Variants in CASZ1 observed in about 807,000 individuals in gnomAD.
CASZ1 encodes the protein castor zinc finger 1.
CASZ1 carries 28 observed loss-of-function variants against 135.2 expected under a neutral mutation model. That is an observed-to-expected ratio of 0.21 (90% CI 0.15 to 0.28). The LOEUF (loss-of-function observed/expected upper bound fraction) is 0.28, where lower values mean the gene tolerates loss of function less well. CASZ1 is among the 10% of genes least tolerant of loss of function. The probability of loss-of-function intolerance (pLI) is 1.00; values close to 1 mark genes in which losing one functional copy is unlikely to be tolerated. For synonymous variants in CASZ1, 1,068 were observed against 1,073.4 expected (o/e 0.99, Z 0.10); for missense variants, 2,161 against 2,453.3 (o/e 0.88, Z 2.52).
At chr1:10,710,938 C>T (rs1219045655) in intron 2 of CASZ1, among the ~76,000 whole-genome samples, 1 of 152,234 alleles carries the variant, frequency 6.6e-6, no homozygotes, top group Non-Finnish European at 1.5e-5. Context: ...TGAAACCAGC[C>T]TGGCCAATAT....
chr1:10,738,787 C>T (rs934518201), intron 2 of CASZ1, among the ~76,000 whole-genome samples: 5 of 152,158 alleles, frequency 3.3e-5, no homozygotes, highest in Admixed American at 2.6e-4. Flanking sequence ...TTCTCTCTTC[C>T]ACCATTTCAG....
intron 1 of CASZ1, among the ~76,000 whole-genome samples, chr1:10,773,399 G>C (rs1454449935): frequency 1.3e-5 from 2 of 152,020 alleles, no homozygotes; most frequent in African/African-American, 4.8e-5. Flanking sequence ...TGTGGGCTGG[G>C]GGAGGGGGCG....
intron 4 of CASZ1, among the ~76,000 whole-genome samples, chr1:10,688,019 C>A (rs1178217347): frequency 6.6e-6 from 1 of 152,212 alleles, no homozygotes; most frequent in Non-Finnish European, 1.5e-5. Flanking sequence ...GGGGAAGAGG[C>A]ACATCAATCA....
chr1:10,776,313 G>A lies in CASZ1; in HGVS notation c.-233-15456C>T, dbSNP rs1443138023. The stretch of plus-strand genomic sequence containing the variant: ...CATCCCCTTAATCTCCATAGTAGTG[G>A]CTTCAAAATCATTCCTCCCAGGCTC... On this transcript the variant is annotated intron_variant, in intron 1 of 20. Coordinates refer to ENST00000377022, the MANE Select transcript of CASZ1 (RefSeq NM_001079843.3). This position sits in a 1 kb window ranked among gnomAD's most constrained non-coding sequence, Gnocchi z 4.1. Among the ~76,000 whole-genome samples, 1 of 152,172 alleles carries A rather than the reference G, an allele frequency of 6.6e-6. No individual in the cohort carries two copies. The highest frequency in any genetic ancestry group is 1.5e-5 in the Non-Finnish European group (1 of 68,028).
At chr1:10,656,562 C>A in intron 8 of CASZ1, 84 bp downstream of exon 8, 1 of 1,061,886 alleles carries the variant, frequency 9.4e-7, no homozygotes, top group Non-Finnish European at 1.4e-6. Flanking sequence ...ACCCCCCCCA[C>A]TGCCGTCCCC....
chr1:10,778,957 A>T (rs892738698), intron 1 of CASZ1, among the ~76,000 whole-genome samples: 3 of 152,190 alleles, frequency 2.0e-5, no homozygotes, highest in African/African-American at 7.2e-5. Context: ...AGAGGTGGGT[A>T]TCACCAATAG....
chr1:10,773,564 C>A (rs928713010), intron 1 of CASZ1, among the ~76,000 whole-genome samples: 4 of 152,144 alleles, frequency 2.6e-5, no homozygotes, highest in South Asian at 4.2e-4. Flanking sequence ...GGGGACTGAA[C>A]ATGGTGAGGG....
At position 10,767,853 on chromosome 1, in the gene CASZ1, C is replaced by T. The variant is rs1640504839; in HGVS notation, c.-233-6996G>A. Among the ~76,000 whole-genome samples the T allele has an allele frequency of 1.3e-5, 2 of 152,124 alleles. No homozygotes were observed. The highest frequency in any genetic ancestry group is 2.9e-5 in the Non-Finnish European group (2 of 68,024). On this transcript the variant is annotated intron_variant, in intron 1 of 20. Coordinates refer to ENST00000377022, the MANE Select transcript of CASZ1 (RefSeq NM_001079843.3). This position sits in a 1 kb window ranked among gnomAD's most constrained non-coding sequence, Gnocchi z 4.2. ...CGCTGGCCCTGTCCACAGCCCTCGGCCCATGAGGAGGGCCACGACCCTGGC... is the reference window on the plus strand; with the variant it reads ...CGCTGGCCCTGTCCACAGCCCTCGGTCCATGAGGAGGGCCACGACCCTGGC...
In CASZ1 at chr1:10,650,831, C is replaced by A. The variant is rs1642548905; in HGVS notation, c.2817-76G>T. ...CCTGGGGCTCACCTTCCCTGCCCGA[C>A]CCTGGGGCTCCAGCCGAGCCCGCTG... On this transcript the variant is annotated intron_variant, in intron 12 of 20. Coordinates refer to ENST00000377022, the MANE Select transcript of CASZ1 (RefSeq NM_001079843.3). 3.1e-6 allele frequency: 5 copies of A among 1,598,972 alleles called. No individual in the cohort carries two copies. The South Asian group carries it at 5.5e-5, about 18-fold the overall frequency.
chr1:10,711,504 G>A lies in CASZ1; in HGVS notation c.-76-5960C>T, dbSNP rs1386699469. Among the ~76,000 whole-genome samples, 1 of 151,810 alleles carries A rather than the reference G, an allele frequency of 6.6e-6. No homozygotes were observed. Among genetic ancestry groups the A allele is most frequent in the Non-Finnish European group, 1.5e-5 (1 of 67,980 alleles). ...AATATGGCCTCTTATTAGTTTCCAG[G>A]GTCCCTGCCTTTAAGAAGCTAGGAG... On this transcript the variant is annotated intron_variant, in intron 2 of 20. Transcript: ENST00000377022. This position sits in a 1 kb window ranked among gnomAD's most constrained non-coding sequence, Gnocchi z 4.4.
At chr1:10,667,487 G>A (rs1021881923) in intron 4 of CASZ1, among the ~76,000 whole-genome samples, 2 of 152,126 alleles carry the variant, frequency 1.3e-5, no homozygotes, top group Non-Finnish European at 2.9e-5. Context: ...AGCACGATGC[G>A]GGGCCCCTCT....
At chr1:10,698,006 C>T (rs493009) in intron 3 of CASZ1, among the ~76,000 whole-genome samples, 60,531 of 152,052 alleles carry the variant, frequency 0.4, 13,046 homozygotes, top group African/African-American at 0.57. Flanking sequence ...GGCATGGCCA[C>T]GGGCACGGGA....
intron 17 of CASZ1, 49 bp from the exon 18 acceptor site, chr1:10,645,137 C>T: frequency 6.4e-7 from 1 of 1,563,320 alleles, no homozygotes; most frequent in East Asian, 2.2e-5. Flanking sequence ...CTTTCAAGAG[C>T]TCCTGCCTGC....
chr1:10,770,310 C>T (rs1165850764), intron 1 of CASZ1, among the ~76,000 whole-genome samples: 1 of 152,114 alleles, frequency 6.6e-6, no homozygotes. Context: ...TTCTTGAACT[C>T]CTGAGCTCAA....
chr1:10,669,891 T>C (rs1643350882), intron 4 of CASZ1, among the ~76,000 whole-genome samples: 1 of 152,212 alleles, frequency 6.6e-6, no homozygotes, highest in South Asian at 2.1e-4. Flanking sequence ...GGGCTCTGCT[T>C]GGTGGCTCTG....
chr1:10,637,862 A>G lies in CASZ1; in HGVS notation c.*1080T>C, dbSNP rs906636442. 7 of 152,286 alleles carry G rather than the reference A, an allele frequency of 4.6e-5. No individual in the cohort carries two copies. The highest frequency in any genetic ancestry group is 8.8e-5 in the Non-Finnish European group (6 of 68,028). The allele number at this position is 152,286 out of a possible 1,614,324, so 9.4% of individuals were successfully genotyped here. ...CTATAAAGCCACACGCATCACCAAG[A>G]GAGAACTCAAATGTTAAATTAACTA... is the stretch of plus-strand genomic sequence containing the variant. On this transcript the variant is annotated 3_prime_UTR_variant, in exon 21 of 21. Coordinates refer to ENST00000377022, the MANE Select transcript of CASZ1 (RefSeq NM_001079843.3).
intron 11 of CASZ1, chr1:10,652,852 C>T (rs1016959201): frequency 6.0e-4 from 97 of 160,752 alleles, no homozygotes; most frequent in Non-Finnish European, 9.8e-4. Flanking sequence ...TAGAAGGCTT[C>T]CAAGGCCTGG....
At chr1:10,740,531 T>C (rs1639896694) in intron 2 of CASZ1, among the ~76,000 whole-genome samples, 1 of 152,106 alleles carries the variant, frequency 6.6e-6, no homozygotes, top group African/African-American at 2.4e-5. Flanking sequence ...CACACCATGG[T>C]GGAGGCCCTG....
At chr1:10,643,373 C>A in intron 18 of CASZ1, 62 bp from the exon 19 acceptor site, 1 of 1,574,416 alleles carries the variant, frequency 6.4e-7, no homozygotes. Flanking sequence ...GCTTCCAGGT[C>A]CTGTTGGGCA....
Sources: gnomAD v4.1 joint callset for allele counts (sites outside exome capture counted in the v4.1 genomes callset) on GRCh38, gnomAD v4.1.1 for gene constraint, Gnocchi (gnomAD v3.1) non-coding constraint, MANE v1.5 for transcripts, NCBI Gene and HGNC (gene_info 2026-07-23, HGNC 2026-07-21) for gene names.